MARCHF1: variants seen among roughly 807,000 people sequenced by gnomAD.
The protein encoded by MARCHF1 is E3 ubiquitin-protein ligase MARCHF1.
Under a neutral mutation model 54.2 loss-of-function variants are expected in MARCHF1, and 40 were observed. The ratio of observed to expected loss-of-function variants is 0.74; its 90% CI spans 0.57 to 0.96. The LOEUF (loss-of-function observed/expected upper bound fraction) is 0.96. Among genes scored for constraint, MARCHF1 ranks in the 40% least tolerant of loss-of-function variants. MARCHF1 has a pLI of 0.00. For missense variants in MARCHF1, 586 were observed against 656.5 expected (o/e 0.89, Z 1.17); for synonymous variants, 236 against 236.3 (o/e 1.00, Z 0.01).
At chr4:164,194,198 A>G (rs1579611787) in intron 1 of MARCHF1, among the ~76,000 whole-genome samples, 1 of 152,220 alleles carries the variant, frequency 6.6e-6, no homozygotes, top group East Asian at 1.9e-4. Context: ...TTTCTGTGAA[A>G]AGAGAAAAAG....
chr4:163,986,249 C>CTTCTTTTTTTTTTTTT (rs1752864721), intron 3 of MARCHF1, among the ~76,000 whole-genome samples: 3 of 28,828 alleles, frequency 1.0e-4, no homozygotes, highest in Non-Finnish European at 2.3e-4. Context: ...TTAACCTCTT[C>CTTCTTTTTTTTTTTTT]TTTTTTTTTT....
intron 4 of MARCHF1, among the ~76,000 whole-genome samples, chr4:163,812,957 G>A (rs532489314): frequency 3.3e-5 from 5 of 152,272 alleles, no homozygotes; most frequent in South Asian, 2.1e-4. Context: ...AGTGGGATAC[G>A]TAAAGATTAT....
intron 4 of MARCHF1, among the ~76,000 whole-genome samples, chr4:163,848,165 A>G (rs956181242): frequency 3.3e-5 from 5 of 152,186 alleles, no homozygotes; most frequent in African/African-American, 1.2e-4. Flanking sequence ...AATTTCATGT[A>G]TGAGTATTAC....
chr4:163,819,078 T>C (rs1025825822), intron 4 of MARCHF1, among the ~76,000 whole-genome samples: 5 of 152,146 alleles, frequency 3.3e-5, no homozygotes, highest in African/African-American at 1.2e-4. Context: ...TTCCTGCCTT[T>C]TCTGCTTCAA....
At chr4:163,656,653 C>A (rs1414619767) in intron 5 of MARCHF1, among the ~76,000 whole-genome samples, 1 of 152,046 alleles carries the variant, frequency 6.6e-6, no homozygotes, top group Admixed American at 6.6e-5. Flanking sequence ...TGCAGAAATT[C>A]TCAGTAAAAT....
intron 1 of MARCHF1, among the ~76,000 whole-genome samples, chr4:164,297,677 TTAAC>T (rs34570886): frequency 0.53 from 80,381 of 151,540 alleles, 24,617 homozygotes; most frequent in Non-Finnish European, 0.7. Flanking sequence ...AGCCTGCAGT[TTAAC>T]TAGTAGTAAT....
At chr4:163,621,412 C>G (rs1741692545) in intron 5 of MARCHF1, among the ~76,000 whole-genome samples, 1 of 152,132 alleles carries the variant, frequency 6.6e-6, no homozygotes, top group African/African-American at 2.4e-5. Context: ...AAAAGCTGCT[C>G]CAGTGACTGT....
At chr4:164,168,601 G>A (rs1835511) in intron 1 of MARCHF1, among the ~76,000 whole-genome samples, 28,613 of 151,542 alleles carry the variant, frequency 0.19, 4,318 homozygotes, top group African/African-American at 0.41. Context: ...AGAACATTAC[G>A]CTAAGTGAAG....
At chr4:164,088,266 C>T (rs192938150) in intron 2 of MARCHF1, among the ~76,000 whole-genome samples, 242 of 152,192 alleles carry the variant, frequency 1.6e-3, no homozygotes, top group African/African-American at 3.6e-3. Context: ...GATAAATTGG[C>T]GTTCAAAGGT....
chr4:163,608,336 G>A (rs1741211370), intron 7 of MARCHF1, among the ~76,000 whole-genome samples: 1 of 152,004 alleles, frequency 6.6e-6, no homozygotes, highest in African/African-American at 2.4e-5. Context: ...CTTGAAAGGG[G>A]TAGGTCTGAA....
At chr4:164,212,817 C>G (rs993296269) in intron 1 of MARCHF1, among the ~76,000 whole-genome samples, 10 of 152,108 alleles carry the variant, frequency 6.6e-5, no homozygotes, top group Admixed American at 5.9e-4. Flanking sequence ...ATTATTCTCC[C>G]CATTTTACAA....
chr4:164,110,678 T>G (rs17675801), intron 2 of MARCHF1, among the ~76,000 whole-genome samples: 106,344 of 149,676 alleles, frequency 0.71, 39,060 homozygotes, highest in Non-Finnish European at 0.82. Context: ...CATATTTTTT[T>G]TCTCTTGTGA....
At chr4:163,730,984 C>T (rs192987348) in intron 4 of MARCHF1, among the ~76,000 whole-genome samples, 49 of 152,266 alleles carry the variant, frequency 3.2e-4, no homozygotes, top group African/African-American at 1.1e-3. Context: ...CAGGGATTAG[C>T]TCTTAGATTT....
chr4:163,987,080 T>C (rs535524300), intron 3 of MARCHF1, among the ~76,000 whole-genome samples: 3 of 152,348 alleles, frequency 2.0e-5, no homozygotes, highest in South Asian at 2.1e-4. Context: ...ATTTGCAGAA[T>C]TGATCAGTGT....
chr4:163,806,651 G>A (rs1748231915), intron 4 of MARCHF1, among the ~76,000 whole-genome samples: 1 of 152,006 alleles, frequency 6.6e-6, no homozygotes, highest in Non-Finnish European at 1.5e-5. Flanking sequence ...TGAATGGCTG[G>A]TCACCACTTC....
At chr4:163,627,494 GAGTA>G (rs1476752456) in intron 5 of MARCHF1, among the ~76,000 whole-genome samples, 1 of 152,110 alleles carries the variant, frequency 6.6e-6, no homozygotes, top group East Asian at 1.9e-4. Context: ...TTGGAGCAGT[GAGTA>G]AGTAATTTTA....
chr4:163,597,313 T>A (rs1466722424), intron 7 of MARCHF1, among the ~76,000 whole-genome samples: 1 of 152,130 alleles, frequency 6.6e-6, no homozygotes, highest in African/African-American at 2.4e-5. Flanking sequence ...TGGAACAAAA[T>A]GAAAATGCCA....
intron 4 of MARCHF1, among the ~76,000 whole-genome samples, chr4:163,799,408 T>G (rs1462288074): frequency 6.6e-6 from 1 of 152,174 alleles, no homozygotes; most frequent in African/African-American, 2.4e-5. Context: ...TTTAGCGTAC[T>G]ATTTAAAAAG....
At chr4:164,040,810 A>G (rs187844896) in intron 2 of MARCHF1, among the ~76,000 whole-genome samples, 94 of 152,168 alleles carry the variant, frequency 6.2e-4, no homozygotes, top group African/African-American at 2.2e-3. Context: ...GAGAACTTCC[A>G]GTATAAAAAT....
Sources: allele counts gnomAD v4.1 joint callset (sites outside exome capture counted in the v4.1 genomes callset), GRCh38; gene constraint gnomAD v4.1.1; transcripts MANE v1.5; gene names NCBI Gene and HGNC (gene_info 2026-07-23, HGNC 2026-07-21).